The following CDC42BPA variants were observed in gnomAD, a reference collection of about 807,000 sequenced individuals.
CDC42BPA encodes CDC42 binding protein kinase alpha, also known as serine/threonine-protein kinase MRCK alpha.
A neutral mutation model predicts 223.5 loss-of-function variants in CDC42BPA; 80 were observed. That is an observed-to-expected ratio of 0.36 (90% CI 0.30 to 0.43). CDC42BPA has a LOEUF of 0.43. CDC42BPA is among the 20% of genes least tolerant of loss of function. The probability of loss-of-function intolerance (pLI) is 1.00; values close to 1 mark genes in which losing one functional copy is unlikely to be tolerated. For missense variants in CDC42BPA, 1,743 were observed against 2,099.9 expected, an observed-to-expected ratio of 0.83 and a Z score of 3.32; for synonymous variants, 694 against 718.6, an observed-to-expected ratio of 0.97 and a Z score of 0.55.
At chr1:227,015,955 T>C (rs1260210473) in intron 34 of CDC42BPA, 125 bp downstream of exon 34, 4 of 656,886 alleles carry the variant, frequency 6.1e-6, no homozygotes, top group South Asian at 6.0e-5. Flanking sequence ...TATTGTGGTA[T>C]ACTGAGAGAA....
intron 23 of CDC42BPA, among the ~76,000 whole-genome samples, chr1:227,042,901 T>C (rs1045827511): frequency 6.6e-6 from 1 of 152,208 alleles, no homozygotes; most frequent in African/African-American, 2.4e-5. Context: ...TTTTCTACTC[T>C]GATTTTTTCT....
intron 6 of CDC42BPA, among the ~76,000 whole-genome samples, chr1:227,152,491 A>T (rs865994501): frequency 6.6e-6 from 1 of 152,184 alleles, no homozygotes; most frequent in African/African-American, 2.4e-5. Flanking sequence ...GATAAACTCT[A>T]GACAGCAGGT....
chr1:227,177,868 G>C (rs980185992), intron 5 of CDC42BPA, among the ~76,000 whole-genome samples: 1 of 151,490 alleles, frequency 6.6e-6, no homozygotes, highest in Non-Finnish European at 1.5e-5. Context: ...AATTTTTATT[G>C]ATCTATATCC....
intron 10 of CDC42BPA, among the ~76,000 whole-genome samples, chr1:227,135,609 CT>C (rs1297440067): frequency 6.6e-6 from 1 of 152,048 alleles, no homozygotes; most frequent in Non-Finnish European, 1.5e-5. Context: ...AATCCCAGCA[CT>C]TAGGGAGGCT....
intron 32 of CDC42BPA, 64 bp from the exon 33 acceptor site, chr1:227,017,114 T>C: frequency 6.7e-7 from 1 of 1,483,706 alleles, no homozygotes; most frequent in East Asian, 2.3e-5. Flanking sequence ...TTTTTATCTA[T>C]TAACCTCCAA....
chr1:227,193,063 C>CTTTTTTTT (rs1160548241), intron 5 of CDC42BPA, among the ~76,000 whole-genome samples: 4 of 117,032 alleles, frequency 3.4e-5, no homozygotes, highest in East Asian at 2.3e-4. Context: ...GAAGTGAGAA[C>CTTTTTTTT]TTTTTTTTTT....
intron 6 of CDC42BPA, among the ~76,000 whole-genome samples, chr1:227,159,209 G>A (rs920777430): frequency 2.0e-5 from 3 of 152,038 alleles, no homozygotes; most frequent in Non-Finnish European, 4.4e-5. Context: ...AAAGTTGGCC[G>A]GGCACGGTGG....
At chr1:227,071,001 T>C (rs1678204506) in intron 20 of CDC42BPA, among the ~76,000 whole-genome samples, 2 of 151,972 alleles carry the variant, frequency 1.3e-5, no homozygotes, top group South Asian at 4.1e-4. Context: ...CTAAATAATG[T>C]ATCTTCTTTC....
intron 31 of CDC42BPA, among the ~76,000 whole-genome samples, chr1:227,024,444 A>G (rs1376263624): frequency 6.6e-6 from 1 of 152,184 alleles, no homozygotes; most frequent in African/African-American, 2.4e-5. Flanking sequence ...TGTCCCATCA[A>G]TTCTGCTCCT....
chr1:227,060,716 A>AGT (rs1373925166), intron 21 of CDC42BPA, among the ~76,000 whole-genome samples: 19 of 126,520 alleles, frequency 1.5e-4, no homozygotes, highest in African/African-American at 4.5e-4. Flanking sequence ...GTAAATAGGT[A>AGT]CTTTTTTTTT....
intron 5 of CDC42BPA, among the ~76,000 whole-genome samples, chr1:227,170,968 C>A (rs1035293711): frequency 1.3e-5 from 2 of 152,160 alleles, no homozygotes; most frequent in African/African-American, 4.8e-5. Context: ...CTGGAAGAAG[C>A]AGCAAAATAA....
chr1:227,217,402 C>T (rs752361370), intron 2 of CDC42BPA, among the ~76,000 whole-genome samples: 7 of 151,090 alleles, frequency 4.6e-5, no homozygotes, highest in East Asian at 1.9e-4. Flanking sequence ...GCCAAGATCA[C>T]GCCACTGCAC....
Position 227,145,558 on chromosome 1 carries a change from A to G in CDC42BPA, c.1074T>C (p.Tyr358=). ...CTGTTGGGCTACTAACTTCTGGAAT[A>G]TAAGGTGCTTCACAGTTCCGAATAT... ...WDNIRNCEAP[Y]IPEVSSPTDT... Residue 358 remains tyrosine, a synonymous_variant, in exon 8 of 37, where the codon TAT becomes TAC. Transcript: ENST00000366766. The G allele has an allele frequency of 6.2e-7, 1 of 1,613,660 alleles. No individual in the cohort carries two copies. The highest frequency in any genetic ancestry group is 1.7e-4 in the Middle Eastern group (1 of 6,056).
intron 32 of CDC42BPA, among the ~76,000 whole-genome samples, chr1:227,018,644 G>A (rs1274278194): frequency 6.6e-6 from 1 of 151,690 alleles, no homozygotes; most frequent in Non-Finnish European, 1.5e-5. Context: ...ACAAATATGT[G>A]GAGTTCCTCT....
chr1:227,057,106 TG>T (rs1425829943), intron 21 of CDC42BPA, among the ~76,000 whole-genome samples: 1 of 152,228 alleles, frequency 6.6e-6, no homozygotes, highest in Non-Finnish European at 1.5e-5. Flanking sequence ...ATAAAATCTC[TG>T]CTCCAAACTC....
rs573706191 is a variant in CDC42BPA at position 227,059,425 on chromosome 1, A to G, written c.2905-7440T>C. The G allele has an allele frequency of 5.8e-6, 9 of 1,557,260 alleles. No homozygotes were observed. In the East Asian group the frequency reaches 1.4e-4, roughly 25 times the overall value. ...GGATGGAGAGCGCTTCAACAGAGAA[A>G]GGAGAATAGGACATGTTACAAATAT... is the stretch of plus-strand genomic sequence containing the variant. On this transcript the variant is annotated intron_variant, in intron 21 of 36. Coordinates refer to ENST00000366766, the MANE Select transcript of CDC42BPA (RefSeq NM_001394014.1).
intron 34 of CDC42BPA, among the ~76,000 whole-genome samples, chr1:227,008,403 A>G (rs917269163): frequency 6.6e-6 from 1 of 152,248 alleles, no homozygotes; most frequent in Non-Finnish European, 1.5e-5. Context: ...AACACAGAAT[A>G]CAATGAAATC....
intron 16 of CDC42BPA, among the ~76,000 whole-genome samples, chr1:227,087,936 C>T (rs538926112): frequency 6.6e-6 from 1 of 151,994 alleles, no homozygotes; most frequent in Non-Finnish European, 1.5e-5. Context: ...TTTTTATAGC[C>T]CTTCCACATT....
rs939890410 is a variant in CDC42BPA, at chr1:226,994,574, C to T, written c.5134-175G>A. ...GAGGAAGAGGCACGGAACATACAAG[C>T]TCCGTCCTTTCTGTAGGCCTTTACA... On this transcript the variant is annotated intron_variant, in intron 36 of 36. Transcript: ENST00000366766. This position sits in a 1 kb window ranked among gnomAD's most constrained non-coding sequence, Gnocchi z 4.0. 6.6e-6 allele frequency among the ~76,000 whole-genome samples: 1 copy of T among 152,172 alleles called. No individual in the cohort carries two copies. Among genetic ancestry groups the T allele is most frequent in the Non-Finnish European group, 1.5e-5 (1 of 68,034 alleles).
Sources: gnomAD v4.1 joint callset for allele counts (sites outside exome capture counted in the v4.1 genomes callset) on GRCh38, gnomAD v4.1.1 for gene constraint, Gnocchi (gnomAD v3.1) non-coding constraint, MANE v1.5 for transcripts, NCBI Gene and HGNC (gene_info 2026-07-23, HGNC 2026-07-21) for gene names.